The following C1orf105 variants were observed in gnomAD, a reference collection of about 807,000 sequenced individuals.
The protein encoded by C1orf105 is chromosome 1 open reading frame 105, also known as uncharacterized protein C1orf105.
In C1orf105, 17 loss-of-function variants were observed where a neutral mutation model predicts 20.8. The observed-to-expected ratio is 0.82, with a 90% CI of 0.56 to 1.23. The LOEUF is 1.23. C1orf105 is among the 50% of genes most tolerant of loss of function. The pLI is 0.00. For synonymous variants in C1orf105, 72 were observed against 72.1 expected, an observed-to-expected ratio of 1.00 and a Z score of 0.01; for missense variants, 219 against 213.5, an observed-to-expected ratio of 1.03 and a Z score of -0.16.
chr1:172,449,428 G>A (rs1176710584), intron 3 of C1orf105, among the ~76,000 whole-genome samples: 4 of 152,110 alleles, frequency 2.6e-5, no homozygotes, highest in Admixed American at 2.6e-4. Context: ...TCAAGAGGAA[G>A]TGGCATCTGC....
At chr1:172,468,018 A>AT (rs1558148201) in intron 6 of C1orf105, among the ~76,000 whole-genome samples, 1 of 152,036 alleles carries the variant, frequency 6.6e-6, no homozygotes, top group Non-Finnish European at 1.5e-5. Context: ...CCTTATTTTT[A>AT]TTTTTTTAAA....
intron 1 of C1orf105, chr1:172,441,878 C>G (rs202218437): frequency 1.2e-5 from 19 of 1,614,172 alleles, no homozygotes; most frequent in Non-Finnish European, 1.6e-5. Flanking sequence ...ACGGCTCCCA[C>G]AGCACTAATG....
At chr1:172,447,858 T>G (rs530433553) in intron 2 of C1orf105, among the ~76,000 whole-genome samples, 12 of 152,326 alleles carry the variant, frequency 7.9e-5, no homozygotes, top group Non-Finnish European at 1.8e-4. Flanking sequence ...CCCCTTACAC[T>G]GTAATGAAAT....
At chr1:172,441,109 A>C (rs952770032) in intron 1 of C1orf105, among the ~76,000 whole-genome samples, 14 of 152,130 alleles carry the variant, frequency 9.2e-5, no homozygotes, top group Non-Finnish European at 1.6e-4. Flanking sequence ...TTCCAGCTGA[A>C]ATTTATCTCC....
intron 2 of C1orf105, 24 bp from the exon 3 acceptor site, chr1:172,448,417 C>T (rs945540387): frequency 2.0e-6 from 3 of 1,513,460 alleles, no homozygotes; most frequent in South Asian, 1.1e-5. Context: ...GCGGTTCTAA[C>T]GTTCTCTTGT....
At chr1:172,456,181 A>T in intron 3 of C1orf105, among the ~76,000 whole-genome samples, 1 of 151,646 alleles carries the variant, frequency 6.6e-6, no homozygotes, top group East Asian at 1.9e-4. Flanking sequence ...CAGCCTCAAG[A>T]CCACCACCTA....
Position 172,448,426 on chromosome 1 carries a change from G to T in C1orf105, c.108-15G>T, listed in dbSNP as rs1183663870. On this transcript the variant is annotated splice_polypyrimidine_tract_variant and intron_variant, in intron 2 of 6. Coordinates refer to ENST00000367727, the MANE Select transcript of C1orf105 (RefSeq NM_139240.4). ...GGGACTGCGGTTCTAACGTTCTCTT[G>T]TTTTAATTACTTAGATATCCTCATA... The T allele has an allele frequency of 2.2e-5, 35 of 1,567,268 alleles. No homozygotes were observed. Among genetic ancestry groups the T allele is most frequent in the Non-Finnish European group, 3.0e-5 (34 of 1,140,314 alleles).
intron 1 of C1orf105, among the ~76,000 whole-genome samples, chr1:172,441,120 A>G (rs778631273): frequency 2.6e-5 from 4 of 152,206 alleles, no homozygotes; most frequent in Admixed American, 6.5e-5. Flanking sequence ...ATTTATCTCC[A>G]GCTTCTGAAT....
chr1:172,453,209 A>G (rs1648857968), intron 3 of C1orf105: 1 of 1,548,428 alleles, frequency 6.5e-7, no homozygotes, highest in Non-Finnish European at 8.7e-7. Context: ...AGCACAGATC[A>G]AAGATTGCTT....
intron 6 of C1orf105, 132 bp downstream of exon 6, chr1:172,465,495 C>T (rs770128831): frequency 4.1e-5 from 31 of 761,938 alleles, no homozygotes; most frequent in Middle Eastern, 2.3e-4. Context: ...TTCTCTTTCA[C>T]GTATTGTCTT....
Position 172,431,449 on chromosome 1 carries a change from A to C in C1orf105, c.21+10543A>C, listed in dbSNP as rs567359677. ...TTCTCAATTTAACAAAGGCTGAGAG[A>C]GGAGAGGAAGCTGCAGAAGAAAGGT... On this transcript the variant is annotated intron_variant, in intron 1 of 6. Coordinates refer to ENST00000367727, the MANE Select transcript of C1orf105 (RefSeq NM_139240.4). Among the ~76,000 whole-genome samples, 205 of 152,352 alleles carry C rather than the reference A, an allele frequency of 1.3e-3. 2 individuals are homozygous for C. The highest frequency in any genetic ancestry group is 3.1e-3 in the South Asian group (15 of 4,828).
chr1:172,430,975 G>T, intron 1 of C1orf105: 1 of 475,044 alleles, frequency 2.1e-6, no homozygotes. Flanking sequence ...CATATAAGAG[G>T]GCAAACTTAG....
intron 3 of C1orf105, among the ~76,000 whole-genome samples, chr1:172,452,287 T>A (rs1199974184): frequency 1.3e-5 from 2 of 152,176 alleles, no homozygotes; most frequent in Non-Finnish European, 2.9e-5. Flanking sequence ...CTCTTAACCT[T>A]TCTGGGTCAC....
At chr1:172,444,677 T>C (rs1399402680) in intron 1 of C1orf105, among the ~76,000 whole-genome samples, 2 of 152,228 alleles carry the variant, frequency 1.3e-5, no homozygotes, top group African/African-American at 2.4e-5. Context: ...TTGGTTTTTT[T>C]CCTCTTTACC....
chr1:172,434,914 T>C (rs998240316), intron 1 of C1orf105, among the ~76,000 whole-genome samples: 2 of 152,128 alleles, frequency 1.3e-5, no homozygotes, highest in African/African-American at 4.8e-5. Flanking sequence ...ATAAAGGGGA[T>C]ATCACCACCA....
At chr1:172,445,342 G>C (rs1647870749) in intron 2 of C1orf105, among the ~76,000 whole-genome samples, 184 bp downstream of exon 2, 1 of 152,188 alleles carries the variant, frequency 6.6e-6, no homozygotes, top group Non-Finnish European at 1.5e-5. Context: ...GTATAGGCCT[G>C]GCTAGAGGAG....
intron 6 of C1orf105, 107 bp from the exon 7 acceptor site, chr1:172,468,342 T>G: frequency 1.2e-6 from 1 of 840,098 alleles, no homozygotes; most frequent in Non-Finnish European, 1.7e-6. Context: ...TTAAATCTGT[T>G]TTATAAGGTT....
At chr1:172,440,015 A>G (rs906028805) in intron 1 of C1orf105, among the ~76,000 whole-genome samples, 8 of 152,086 alleles carry the variant, frequency 5.3e-5, no homozygotes, top group African/African-American at 1.9e-4. Context: ...GAAAACCACC[A>G]ATTTTTTTTA....
chr1:172,457,874 C>T (rs1175410221), intron 4 of C1orf105, among the ~76,000 whole-genome samples: 1 of 152,204 alleles, frequency 6.6e-6, no homozygotes, highest in Non-Finnish European at 1.5e-5. Context: ...GCTGTCAGAA[C>T]CTGGTGATAA....
Sources: allele counts gnomAD v4.1 joint callset (sites outside exome capture counted in the v4.1 genomes callset), GRCh38; gene constraint gnomAD v4.1.1; transcripts MANE v1.5; gene names NCBI Gene and HGNC (gene_info 2026-07-23, HGNC 2026-07-21).